MGAT4A: variants seen among roughly 807,000 people sequenced by gnomAD.
The protein encoded by MGAT4A is alpha-1,3-mannosyl-glycoprotein 4-beta-N-acetylglucosaminyltransferase A, also known as N-acetylglucosaminyltransferase IVa.
Under a neutral mutation model 74.1 loss-of-function variants are expected in MGAT4A, and 33 were observed. That is an observed-to-expected ratio of 0.45 (90% CI 0.34 to 0.60). The LOEUF (loss-of-function observed/expected upper bound fraction) is 0.60, where lower values mean the gene tolerates loss of function less well. Ranked by LOEUF, MGAT4A falls within the 20% of genes least tolerant of loss-of-function variation. The pLI, the probability that MGAT4A is intolerant of heterozygous loss-of-function variation, is 0.02. For synonymous variants in MGAT4A, 198 were observed against 210.4 expected (o/e 0.94, Z 0.51); for missense variants, 479 against 628.3 (o/e 0.76, Z 2.54).
Position 98,622,871 on chromosome 2 carries a change from G to A in MGAT4A, c.*2695C>T. 1 of 985,692 alleles carries A rather than the reference G, an allele frequency of 1.0e-6. No individual in the cohort carries two copies. The highest frequency in any genetic ancestry group is 1.2e-6 in the Non-Finnish European group (1 of 830,248). The allele number at this position is 985,692 out of a possible 1,614,324, so 61.1% of individuals were successfully genotyped here. A position where few individuals can be genotyped will look rare whatever the true frequency, so the allele number is the denominator to read the frequency against. Reference sequence around the variant, plus strand: ...GAGAGGGAGTTAAGAGAGAGAAAGGGGGCTGGACATGGTGGCACACACCTA... The same window carrying A: ...GAGAGGGAGTTAAGAGAGAGAAAGGAGGCTGGACATGGTGGCACACACCTA... On this transcript the variant is annotated 3_prime_UTR_variant, in exon 16 of 16. Coordinates refer to ENST00000393487, the MANE Select transcript of MGAT4A (RefSeq NM_012214.3).
intron 8 of MGAT4A, among the ~76,000 whole-genome samples, chr2:98,652,370 G>A (rs370047112): frequency 7.9e-5 from 11 of 138,478 alleles, no homozygotes; most frequent in South Asian, 4.6e-4. Context: ...TCACTGTGTC[G>A]CCCAGGCTGG....
intron 2 of MGAT4A, among the ~76,000 whole-genome samples, chr2:98,723,264 T>TCAGGCC (rs1702705817): frequency 6.6e-6 from 1 of 152,102 alleles, no homozygotes; most frequent in South Asian, 2.1e-4. Flanking sequence ...TCCTCCCTTC[T>TCAGGCC]CAGGCCCAGT....
At chr2:98,720,842 A>G (rs1000232714) in intron 2 of MGAT4A, among the ~76,000 whole-genome samples, 2 of 152,210 alleles carry the variant, frequency 1.3e-5, no homozygotes, top group Admixed American at 6.5e-5. Context: ...TGTAATGGGA[A>G]TACCAGAAGG....
intron 14 of MGAT4A, among the ~76,000 whole-genome samples, chr2:98,632,316 T>C (rs1286728352): frequency 1.3e-5 from 2 of 152,054 alleles, no homozygotes; most frequent in African/African-American, 4.8e-5. Flanking sequence ...CCCTAGGGGT[T>C]TGAGCAGTAG....
chr2:98,714,511 C>A (rs538031976), intron 2 of MGAT4A, among the ~76,000 whole-genome samples: 1 of 152,138 alleles, frequency 6.6e-6, no homozygotes, highest in Admixed American at 6.5e-5. Flanking sequence ...CGCAGGTGGA[C>A]GTGGAAATAG....
rs2104281770 is a variant in MGAT4A, at chr2:98,670,923, A to C, written c.403+4112T>G. ...CCCAGATCTAAATATCCAACTGCCT[A>C]CTCCAACATCTCCACTGTGATATCT... On this transcript the variant is annotated intron_variant, in intron 4 of 15. Transcript: ENST00000393487. Among the ~76,000 whole-genome samples, 3 of 152,116 alleles carry C rather than the reference A, an allele frequency of 2.0e-5. 1 individual carries two copies. Among genetic ancestry groups the C allele is most frequent in the Middle Eastern group, 3.4e-3 (1 of 294 alleles).
At chr2:98,667,202 C>T (rs748270276) in intron 4 of MGAT4A, among the ~76,000 whole-genome samples, 27 of 152,190 alleles carry the variant, frequency 1.8e-4, no homozygotes, top group Admixed American at 7.9e-4. Flanking sequence ...TCCAATTAAA[C>T]CTCTTTCTTT....
intron 2 of MGAT4A, among the ~76,000 whole-genome samples, chr2:98,710,047 A>C (rs1036853728): frequency 6.6e-6 from 1 of 152,170 alleles, no homozygotes; most frequent in African/African-American, 2.4e-5. Context: ...AAAAAAAAAC[A>C]ATCAATGACC....
At chr2:98,683,619 ATCAGC>A (rs1702092343) in intron 2 of MGAT4A, among the ~76,000 whole-genome samples, 1 of 152,034 alleles carries the variant, frequency 6.6e-6, no homozygotes, top group Admixed American at 6.6e-5. Flanking sequence ...TCAGTCTTTC[ATCAGC>A]TCCTGAGTGG....
chr2:98,650,515 C>T (rs189626324), intron 8 of MGAT4A, among the ~76,000 whole-genome samples: 166 of 152,220 alleles, frequency 1.1e-3, no homozygotes, highest in African/African-American at 3.8e-3. Context: ...TACAAGATAA[C>T]GTCTATTAGA....
intron 2 of MGAT4A, among the ~76,000 whole-genome samples, chr2:98,701,063 A>G (rs1053071616): frequency 5.9e-5 from 9 of 152,160 alleles, no homozygotes; most frequent in African/African-American, 1.9e-4. Context: ...TTCTTATGAG[A>G]GTGGAAAAGG....
At chr2:98,645,934 T>C (rs1701477760) in intron 8 of MGAT4A, among the ~76,000 whole-genome samples, 2 of 152,092 alleles carry the variant, frequency 1.3e-5, no homozygotes, top group Non-Finnish European at 2.9e-5. Context: ...TTCTATGGGG[T>C]AGAAAGCACA....
At position 98,621,541 on chromosome 2, in the gene MGAT4A, C is replaced by T; in HGVS notation, c.*4025G>A. The T allele has an allele frequency of 1.3e-6, 2 of 1,551,196 alleles. No individual in the cohort carries two copies. ...AGTCACAAGATTTGATTAGCCACCC[C>T]CAGACAGTCTTCCTTTTGCTACATA... On this transcript the variant is annotated 3_prime_UTR_variant, in exon 16 of 16. Transcript: ENST00000393487.
chr2:98,726,697 C>A, intron 1 of MGAT4A, 130 bp from the exon 2 acceptor site: 2 of 219,844 alleles, frequency 9.1e-6, no homozygotes, highest in Non-Finnish European at 1.8e-5. Flanking sequence ...ATCCCTACAT[C>A]GAAACTACTC....
At chr2:98,664,476 T>C (rs1406996922) in intron 4 of MGAT4A, among the ~76,000 whole-genome samples, 1 of 152,202 alleles carries the variant, frequency 6.6e-6, no homozygotes, top group East Asian at 1.9e-4. Context: ...CCGAACCATG[T>C]AGAAATACTG....
At position 98,640,926 on chromosome 2, in the gene MGAT4A, C is replaced by T. The variant is rs957824282; in HGVS notation, c.1021-698G>A. On this transcript the variant is annotated intron_variant, in intron 10 of 15. Transcript: ENST00000393487. ...TAATGAATTTGCAAATTATAAATGG[C>T]GCATTTTGTTGCATGAAAGCAACTT... Among the ~76,000 whole-genome samples the T allele has an allele frequency of 9.2e-5, 14 of 152,024 alleles. 1 individual carries two copies. The highest frequency in any genetic ancestry group is 6.5e-4 in the Admixed American group (10 of 15,272).
chr2:98,684,047 T>C (rs1702097605), intron 2 of MGAT4A, among the ~76,000 whole-genome samples: 1 of 152,200 alleles, frequency 6.6e-6, no homozygotes, highest in South Asian at 2.1e-4. Context: ...TCATATTCCA[T>C]CTGGAAAGCC....
chr2:98,653,249 T>A (rs1701607613), intron 8 of MGAT4A, among the ~76,000 whole-genome samples: 1 of 120,504 alleles, frequency 8.3e-6, no homozygotes. Flanking sequence ...AACTTCAACC[T>A]CAAGGAAATT....
At chr2:98,632,757 G>A (rs1231100983) in intron 14 of MGAT4A, among the ~76,000 whole-genome samples, 3 of 152,048 alleles carry the variant, frequency 2.0e-5, no homozygotes, top group Admixed American at 1.3e-4. Flanking sequence ...AGTAGCCCTT[G>A]GTTTTTGTCT....
Sources: gnomAD v4.1 joint callset for allele counts (sites outside exome capture counted in the v4.1 genomes callset) on GRCh38, gnomAD v4.1.1 for gene constraint, MANE v1.5 for transcripts, NCBI Gene and HGNC (gene_info 2026-07-23, HGNC 2026-07-21) for gene names.